The following NME7 variants were observed in gnomAD, a reference collection of about 807,000 sequenced individuals.
NME7 encodes NME/NM23 family member 7, also known as nucleoside diphosphate kinase 7.
In NME7, 41 loss-of-function variants were observed where a neutral mutation model predicts 49.1. That is an observed-to-expected ratio of 0.83 (90% confidence interval 0.65 to 1.08). The LOEUF is 1.08. Ranked by LOEUF, NME7 falls within the 50% of genes least tolerant of loss-of-function variation. The pLI is 0.00. For missense variants in NME7, 423 were observed against 463.4 expected (o/e 0.91, Z 0.80); for synonymous variants, 139 against 150.6 (o/e 0.92, Z 0.56).
At chr1:169,232,361 A>G (rs1466750287) in intron 9 of NME7, among the ~76,000 whole-genome samples, 1 of 148,526 alleles carries the variant, frequency 6.7e-6, no homozygotes, top group Non-Finnish European at 1.5e-5. Flanking sequence ...GAATCTCAGA[A>G]GAGAAGAAAA....
chr1:169,354,767 T>C (rs1024127691), intron 1 of NME7, among the ~76,000 whole-genome samples: 2 of 141,198 alleles, frequency 1.4e-5, no homozygotes, highest in African/African-American at 5.2e-5. Flanking sequence ...TGTATATATG[T>C]TTTATATATA....
chr1:169,217,762 G>A (rs1661011077), intron 10 of NME7, among the ~76,000 whole-genome samples: 1 of 152,172 alleles, frequency 6.6e-6, no homozygotes, highest in Non-Finnish European at 1.5e-5. Flanking sequence ...AAACAAGACT[G>A]TTACGTACAT....
At chr1:169,362,201 G>A (rs1198973058) in intron 1 of NME7, among the ~76,000 whole-genome samples, 2 of 152,148 alleles carry the variant, frequency 1.3e-5, no homozygotes, top group African/African-American at 4.8e-5. Flanking sequence ...GAGTGAGACT[G>A]TGTCTCAAAA....
chr1:169,145,100 T>C (rs557102492), intron 11 of NME7, among the ~76,000 whole-genome samples: 1 of 152,300 alleles, frequency 6.6e-6, no homozygotes, highest in South Asian at 2.1e-4. Flanking sequence ...AGCTCTCAGA[T>C]GGAGATTGTA....
At chr1:169,145,739 T>A (rs1478985947) in intron 11 of NME7, among the ~76,000 whole-genome samples, 2 of 152,174 alleles carry the variant, frequency 1.3e-5, no homozygotes, top group Admixed American at 1.3e-4. Flanking sequence ...TCACAATGTA[T>A]GTTGACCCGA....
At chr1:169,292,719 G>C (rs112771723) in intron 6 of NME7, among the ~76,000 whole-genome samples, 25 of 152,018 alleles carry the variant, frequency 1.6e-4, no homozygotes, top group Non-Finnish European at 2.5e-4. Context: ...TGAGATTGAC[G>C]GATTAATATT....
chr1:169,251,916 T>C (rs1291818922), intron 7 of NME7, among the ~76,000 whole-genome samples: 1 of 150,728 alleles, frequency 6.6e-6, no homozygotes, highest in African/African-American at 2.4e-5. Context: ...CTGCATAGTA[T>C]TCCATGGTGT....
At chr1:169,364,640 A>T (rs1653782280) in intron 1 of NME7, among the ~76,000 whole-genome samples, 1 of 152,222 alleles carries the variant, frequency 6.6e-6, no homozygotes, top group African/African-American at 2.4e-5. Context: ...AAATTATAAC[A>T]GTGAGAGAAA....
At position 169,323,200 on chromosome 1, in the gene NME7, T is replaced by C; in HGVS notation, c.195A>G (p.Lys65=). The change falls in exon 3 of 12, where the codon AAA becomes AAG. Residue 65 remains lysine, a synonymous_variant. Coordinates refer to ENST00000367811, the MANE Select transcript of NME7 (RefSeq NM_013330.5). ...CCAGTTGTCGAGAAAAGACATTCACTTTGTTGCCTATAAATAAATCTTCCA... is the reference window on the plus strand; with the variant it reads ...CCAGTTGTCGAGAAAAGACATTCACCTTGTTGCCTATAAATAAATCTTCCA... ...LHLEDLFIGN[K]VNVFSRQLVL... is the part of the protein sequence containing the mutation. 1.9e-6 allele frequency: 3 copies of C among 1,608,480 alleles called. No homozygotes were observed. Among genetic ancestry groups the C allele is most frequent in the Non-Finnish European group, 2.5e-6 (3 of 1,177,520 alleles).
chr1:169,314,273 A>G (rs554083164), intron 3 of NME7, among the ~76,000 whole-genome samples: 63 of 152,170 alleles, frequency 4.1e-4, no homozygotes, highest in Admixed American at 1.2e-3. Context: ...AACAAAAAAA[A>G]ATACACAACA....
chr1:169,181,502 A>G (rs564598387), intron 10 of NME7, among the ~76,000 whole-genome samples: 1 of 152,076 alleles, frequency 6.6e-6, no homozygotes, highest in East Asian at 1.9e-4. Context: ...ATCTCTTTGC[A>G]ACTCTAGGTC....
intron 1 of NME7, among the ~76,000 whole-genome samples, chr1:169,331,937 C>T (rs12043489): frequency 0.1 from 15,727 of 152,044 alleles, 860 homozygotes; most frequent in Admixed American, 0.12. Context: ...ATACCAATGT[C>T]GTTCTTCAAA....
Position 169,324,382 on chromosome 1 carries a change from G to C in NME7, c.111+11C>G, listed in dbSNP as rs1259312731. 1.3e-6 allele frequency: 2 copies of C among 1,560,558 alleles called. No individual in the cohort carries two copies. The highest frequency in any genetic ancestry group is 1.8e-6 in the Non-Finnish European group (2 of 1,133,098). ...CTTTGCCAACATTCAAGCAAAGAAAGGCTTATTTACCATTTCAACAGATCC... is the reference window on the plus strand; with the variant it reads ...CTTTGCCAACATTCAAGCAAAGAAACGCTTATTTACCATTTCAACAGATCC... On this transcript the variant is annotated intron_variant, in intron 2 of 11. Transcript: ENST00000367811.
chr1:169,220,150 T>C (rs1012940073), intron 10 of NME7, among the ~76,000 whole-genome samples: 2 of 152,176 alleles, frequency 1.3e-5, no homozygotes, highest in African/African-American at 4.8e-5. Flanking sequence ...TTAATACCTC[T>C]ACCTGTAAAT....
At chr1:169,264,732 GAACTA>G (rs1649266764) in intron 7 of NME7, among the ~76,000 whole-genome samples, 1 of 133,100 alleles carries the variant, frequency 7.5e-6, no homozygotes, top group South Asian at 2.3e-4. Context: ...ATCAGGATCT[GAACTA>G]AACTCTTGAC....
rs1283611436 is a variant in NME7 at position 169,255,725 on chromosome 1, C to A, written c.755-18038G>T. ...ACCGGTTGCTCCTTTCCATGTTTAG[C>A]GCTTCCTTCAGGAGCTCTTTTAGGG... is the stretch of plus-strand genomic sequence containing the variant. On this transcript the variant is annotated intron_variant, in intron 7 of 11. Coordinates refer to ENST00000367811, the MANE Select transcript of NME7 (RefSeq NM_013330.5). 1.6e-5 allele frequency among the ~76,000 whole-genome samples: 2 copies of A among 127,680 alleles called. 1 individual carries two copies. Among genetic ancestry groups the A allele is most frequent in the Middle Eastern group, 7.9e-3 (2 of 252 alleles). 83.8% of individuals were successfully genotyped at this position (127,680 alleles called of 152,430 possible). A position where few individuals can be genotyped will look rare whatever the true frequency, so the allele number is the denominator to read the frequency against.
At chr1:169,354,645 A>G (rs1653314464) in intron 1 of NME7, among the ~76,000 whole-genome samples, 1 of 147,812 alleles carries the variant, frequency 6.8e-6, no homozygotes, top group African/African-American at 2.5e-5. Context: ...ATATTTATAT[A>G]TTAAAGTATT....
chr1:169,160,538 G>T (rs1485477459), intron 11 of NME7, among the ~76,000 whole-genome samples: 2 of 152,028 alleles, frequency 1.3e-5, no homozygotes, highest in African/African-American at 2.4e-5. Context: ...ACTCCAAGGG[G>T]TCTGGGAAGT....
chr1:169,150,763 GAAA>G (rs10689301), intron 11 of NME7, among the ~76,000 whole-genome samples: 2 of 124,328 alleles, frequency 1.6e-5, no homozygotes, highest in Admixed American at 8.3e-5. Context: ...GCTGGAAAAG[GAAA>G]AAAAAAAAAA....
Sources: gnomAD v4.1 joint callset for allele counts (sites outside exome capture counted in the v4.1 genomes callset) on GRCh38, gnomAD v4.1.1 for gene constraint, MANE v1.5 for transcripts, NCBI Gene and HGNC (gene_info 2026-07-23, HGNC 2026-07-21) for gene names.